UBE2J1: variants seen among roughly 807,000 people sequenced by gnomAD.
UBE2J1 encodes the protein ubiquitin-conjugating enzyme E2 J1.
Under a neutral mutation model 42.1 loss-of-function variants are expected in UBE2J1, and 17 were observed. The ratio of observed to expected loss-of-function variants is 0.40; its 90% CI spans 0.28 to 0.61. UBE2J1 has a LOEUF of 0.61. Among genes scored for constraint, UBE2J1 ranks in the 20% least tolerant of loss-of-function variants. UBE2J1 has a pLI of 0.38. For missense variants in UBE2J1, 291 were observed against 389.4 expected, an observed-to-expected ratio of 0.75 and a Z score of 2.13; for synonymous variants, 127 against 137.2, an observed-to-expected ratio of 0.93 and a Z score of 0.52.
intron 1 of UBE2J1, 121 bp from the exon 2 acceptor site, chr6:89,343,877 G>T (rs776377267): frequency 1.4e-5 from 9 of 651,840 alleles, no homozygotes; most frequent in Non-Finnish European, 1.5e-5. Flanking sequence ...TATGGCAAAG[G>T]TTTAATTATA....
intron 5 of UBE2J1, among the ~76,000 whole-genome samples, chr6:89,337,486 G>A (rs1768132630): frequency 6.6e-6 from 1 of 152,048 alleles, no homozygotes; most frequent in Admixed American, 6.6e-5. Context: ...TCTGTAGAGG[G>A]CCTACTCTGG....
intron 1 of UBE2J1, 23 bp from the exon 2 acceptor site, chr6:89,343,779 G>T (rs768248344): frequency 6.4e-7 from 1 of 1,552,174 alleles, no homozygotes; most frequent in South Asian, 1.2e-5. Context: ...TCATAAAATA[G>T]AGATATTTAA....
chr6:89,333,271 C>T (rs747859968), intron 6 of UBE2J1, 66 bp from the exon 7 acceptor site: 86 of 1,517,236 alleles, frequency 5.7e-5, no homozygotes, highest in Non-Finnish European at 7.4e-5. Context: ...ACACAATCTA[C>T]AACCTGCTAA....
In UBE2J1 at chr6:89,329,613, G is replaced by A. The variant is rs1438823353; in HGVS notation, c.*66C>T. On this transcript the variant is annotated 3_prime_UTR_variant, in exon 8 of 8. Transcript: ENST00000435041. The stretch of plus-strand genomic sequence containing the variant: ...ATAATCTTTTTGTAAACAATTCTTA[G>A]ATTATACCCAATGCAGAATGTTTAA... The A allele has an allele frequency of 6.6e-7, 1 of 1,516,182 alleles. No individual in the cohort carries two copies. The highest frequency in any genetic ancestry group is 9.1e-7 in the Non-Finnish European group (1 of 1,101,518). The allele number at this position is 1,516,182 out of a possible 1,614,324, so 93.9% of individuals were successfully genotyped here.
intron 6 of UBE2J1, 101 bp downstream of exon 6, chr6:89,335,201 T>G: frequency 3.6e-6 from 4 of 1,104,368 alleles, no homozygotes; most frequent in Non-Finnish European, 4.9e-6. Context: ...CATTGGCAAA[T>G]GTCATATTGT....
At chr6:89,332,172 TCAC>T (rs1436075212) in intron 7 of UBE2J1, among the ~76,000 whole-genome samples, 3 of 152,140 alleles carry the variant, frequency 2.0e-5, no homozygotes, top group Non-Finnish European at 2.9e-5. Flanking sequence ...CAATTTTCCC[TCAC>T]CCTTTAAAGT....
intron 6 of UBE2J1, among the ~76,000 whole-genome samples, chr6:89,334,804 A>T: frequency 6.6e-6 from 1 of 152,272 alleles, no homozygotes; most frequent in Non-Finnish European, 1.5e-5. Flanking sequence ...TATATTCTGT[A>T]ATAATAGCTA....
At chr6:89,338,945 A>T (rs143082129) in intron 3 of UBE2J1, among the ~76,000 whole-genome samples, 33 of 151,980 alleles carry the variant, frequency 2.2e-4, no homozygotes, top group Middle Eastern at 6.8e-3. Flanking sequence ...GATTACAGGC[A>T]TGAGCCACCG....
At chr6:89,350,699 T>C (rs1046639585) in intron 1 of UBE2J1, among the ~76,000 whole-genome samples, 4 of 152,084 alleles carry the variant, frequency 2.6e-5, no homozygotes, top group African/African-American at 7.2e-5. Flanking sequence ...CAGCTGACAA[T>C]AGTTCACATA....
chr6:89,334,474 CTT>C (rs763354270), intron 6 of UBE2J1, among the ~76,000 whole-genome samples: 9 of 138,402 alleles, frequency 6.5e-5, no homozygotes, highest in Admixed American at 7.2e-5. Context: ...TTTCTTTTTT[CTT>C]TTTTTTTTTT....
intron 6 of UBE2J1, among the ~76,000 whole-genome samples, chr6:89,334,043 A>G (rs1768061444): frequency 6.6e-6 from 1 of 152,114 alleles, no homozygotes; most frequent in African/African-American, 2.4e-5. Flanking sequence ...TCACTCTGTC[A>G]CCCAGGCTGG....
chr6:89,336,449 C>T (rs1198136530), intron 5 of UBE2J1, among the ~76,000 whole-genome samples: 1 of 146,480 alleles, frequency 6.8e-6, no homozygotes, highest in African/African-American at 2.5e-5. Context: ...TGCCACCACA[C>T]CCCGCTAATT....
At chr6:89,348,398 T>C (rs568347870) in intron 1 of UBE2J1, among the ~76,000 whole-genome samples, 58 of 152,326 alleles carry the variant, frequency 3.8e-4, no homozygotes, top group Non-Finnish European at 7.1e-4. Flanking sequence ...TAAAGGGATC[T>C]TCTACAGGCC....
At chr6:89,338,928 G>A (rs184528284) in intron 3 of UBE2J1, among the ~76,000 whole-genome samples, 1 of 152,170 alleles carries the variant, frequency 6.6e-6, no homozygotes, top group African/African-American at 2.4e-5. Context: ...GCCTCCCAAA[G>A]TGCTGGGATT....
At chr6:89,339,438 GAAAA>G (rs1187287575) in intron 3 of UBE2J1, among the ~76,000 whole-genome samples, 3 of 50,028 alleles carry the variant, frequency 6.0e-5, no homozygotes, top group Non-Finnish European at 1.1e-4. Flanking sequence ...CCCAAGAAAA[GAAAA>G]AAAAAGAGGA....
intron 2 of UBE2J1, among the ~76,000 whole-genome samples, chr6:89,343,301 G>A (rs1768288025): frequency 6.6e-6 from 1 of 152,040 alleles, no homozygotes; most frequent in African/African-American, 2.4e-5. Flanking sequence ...CGGGCGTGGT[G>A]GTGGGGGCCT....
rs1019578909 is a variant in UBE2J1, at chr6:89,328,585, A to C, written c.*1094T>G. 4 of 152,188 alleles carry C rather than the reference A, an allele frequency of 2.6e-5. No homozygotes were observed. Among genetic ancestry groups the C allele is most frequent in the African/African-American group, 4.8e-5 (2 of 41,436 alleles). The allele number at this position is 152,188 out of a possible 1,614,324, so 9.4% of individuals were successfully genotyped here. On this transcript the variant is annotated 3_prime_UTR_variant, in exon 8 of 8. Transcript: ENST00000435041. Reference sequence around the variant, plus strand: ...TGTTTTTCTGTGATTATATGGTTTCACCAGCCATTATGATGATAATATTAT... The same window carrying C: ...TGTTTTTCTGTGATTATATGGTTTCCCCAGCCATTATGATGATAATATTAT...
intron 1 of UBE2J1, among the ~76,000 whole-genome samples, chr6:89,350,241 C>G (rs1582490992): frequency 1.3e-5 from 2 of 152,252 alleles, no homozygotes; most frequent in African/African-American, 4.8e-5. Flanking sequence ...ATTGTCTTCA[C>G]TTAATCTTTC....
At position 89,329,410 on chromosome 6, in the gene UBE2J1, G is replaced by T. The variant is rs1767961003; in HGVS notation, c.*269C>A. The T allele has an allele frequency of 2.4e-6, 1 of 418,164 alleles. No homozygotes were observed. Among genetic ancestry groups the T allele is most frequent in the Non-Finnish European group, 4.3e-6 (1 of 234,358 alleles). 25.9% of individuals were successfully genotyped at this position (418,164 alleles called of 1,614,324 possible). On this transcript the variant is annotated 3_prime_UTR_variant, in exon 8 of 8. Transcript: ENST00000435041. ...GTATTACAAATTTACATAAAAAGAA[G>T]ATGAAACATGAGAAAAAACAAGTTA...
Sources: gnomAD v4.1 joint callset for allele counts (sites outside exome capture counted in the v4.1 genomes callset) on GRCh38, gnomAD v4.1.1 for gene constraint, MANE v1.5 for transcripts, NCBI Gene and HGNC (gene_info 2026-07-23, HGNC 2026-07-21) for gene names.